Variants in L3MBTL4 observed in about 807,000 individuals in gnomAD.
L3MBTL4 encodes lethal(3)malignant brain tumor-like protein 4.
Under a neutral mutation model 84.5 loss-of-function variants are expected in L3MBTL4, and 70 were observed. That is an observed-to-expected ratio of 0.83 (90% CI 0.68 to 1.01). The LOEUF (loss-of-function observed/expected upper bound fraction) is 1.01, where lower values mean the gene tolerates loss of function less well. Among genes scored for constraint, L3MBTL4 ranks in the 50% least tolerant of loss-of-function variants. The pLI is 0.00. For synonymous variants in L3MBTL4, 274 were observed against 259.8 expected (o/e 1.05, Z -0.52); for missense variants, 715 against 754.8 (o/e 0.95, Z 0.62).
chr18:6,264,045 G>A lies in L3MBTL4; in HGVS notation c.128-7C>T. On this transcript the variant is annotated splice_polypyrimidine_tract_variant and splice_region_variant and intron_variant, in intron 4 of 18. Transcript: ENST00000317931. ...TGTGCAGCCGCTGAAGGGACTGGAAGAGAAAACACAATGACTTTTCTCAAA... is the reference window on the plus strand; with the variant it reads ...TGTGCAGCCGCTGAAGGGACTGGAAAAGAAAACACAATGACTTTTCTCAAA... 2 of 1,598,568 alleles carry A rather than the reference G, an allele frequency of 1.3e-6. No individual in the cohort carries two copies. The highest frequency in any genetic ancestry group is 4.5e-5 in the East Asian group (2 of 44,818).
chr18:6,160,731 C>CAA (rs560903489), intron 13 of L3MBTL4, among the ~76,000 whole-genome samples: 552 of 48,378 alleles, frequency 0.011, 7 homozygotes, highest in South Asian at 0.028. Context: ...AGATCCGTCT[C>CAA]AAAAAAAAAA....
chr18:6,010,396 T>C (rs1007249617), intron 16 of L3MBTL4, among the ~76,000 whole-genome samples: 6 of 152,080 alleles, frequency 3.9e-5, no homozygotes, highest in Non-Finnish European at 8.8e-5. Context: ...ACATGAAAAA[T>C]GGTTTGTGAT....
intron 7 of L3MBTL4, among the ~76,000 whole-genome samples, chr18:6,241,903 C>T (rs1280768482): frequency 6.6e-6 from 1 of 152,164 alleles, no homozygotes; most frequent in African/African-American, 2.4e-5. Flanking sequence ...ATCAGAGGTC[C>T]TGAGGGTGCA....
intron 12 of L3MBTL4, among the ~76,000 whole-genome samples, chr18:6,197,658 C>T (rs1361480402): frequency 6.6e-6 from 1 of 152,166 alleles, no homozygotes; most frequent in African/African-American, 2.4e-5. Flanking sequence ...CAGGTCCCTA[C>T]TTGGTTCTAG....
rs145319970 is a variant in L3MBTL4 at position 6,005,517 on chromosome 18, G to A, written c.1445-35955C>T. ...TCTCCACCCTTAAGTAGGCCCTGCT[G>A]TCTGTGGTTCTCTTCCTTGTGTCCA... is the stretch of plus-strand genomic sequence containing the variant. On this transcript the variant is annotated intron_variant, in intron 16 of 18. Transcript: ENST00000317931. Among the ~76,000 whole-genome samples the A allele has an allele frequency of 2.0e-5, 3 of 152,136 alleles. No homozygotes were observed. In the South Asian group the frequency reaches 6.2e-4, roughly 32 times the overall value.
chr18:6,170,667 C>T (rs888374720), intron 13 of L3MBTL4, among the ~76,000 whole-genome samples: 3 of 152,054 alleles, frequency 2.0e-5, no homozygotes, highest in Admixed American at 6.6e-5. Flanking sequence ...TGCTGGTCCA[C>T]GCCTACCCCA....
intron 1 of L3MBTL4, among the ~76,000 whole-genome samples, chr18:6,380,606 T>C (rs2054559296): frequency 6.6e-6 from 1 of 152,218 alleles, no homozygotes; most frequent in Admixed American, 6.5e-5. Context: ...GGTTGTTCAG[T>C]TTCCATGTAG....
chr18:6,132,544 A>G (rs1291788602), intron 14 of L3MBTL4, among the ~76,000 whole-genome samples: 1 of 152,202 alleles, frequency 6.6e-6, no homozygotes, highest in Non-Finnish European at 1.5e-5. Context: ...CATTCTTCTC[A>G]CTATCACACC....
intron 4 of L3MBTL4, among the ~76,000 whole-genome samples, chr18:6,282,129 A>G (rs2049347784): frequency 6.6e-6 from 1 of 152,168 alleles, no homozygotes; most frequent in Non-Finnish European, 1.5e-5. Context: ...AGCCTCATCA[A>G]CTGTTCTCTC....
chr18:6,095,543 G>C (rs2058610897), intron 14 of L3MBTL4, among the ~76,000 whole-genome samples: 1 of 151,994 alleles, frequency 6.6e-6, no homozygotes, highest in Admixed American at 6.5e-5. Flanking sequence ...GTAGAGACGG[G>C]GTTTCAACGT....
At chr18:6,043,289 A>C (rs956021001) in intron 16 of L3MBTL4, among the ~76,000 whole-genome samples, 4 of 152,098 alleles carry the variant, frequency 2.6e-5, no homozygotes, top group African/African-American at 4.8e-5. Flanking sequence ...CACTGTATTC[A>C]GAACAAAGGC....
intron 1 of L3MBTL4, among the ~76,000 whole-genome samples, chr18:6,393,341 C>T (rs993713914): frequency 3.3e-5 from 5 of 152,158 alleles, no homozygotes; most frequent in African/African-American, 7.2e-5. Context: ...CCTGCTGAGT[C>T]CAGGCTCCTG....
At chr18:6,094,034 C>T (rs2143676472) in intron 14 of L3MBTL4, among the ~76,000 whole-genome samples, 1 of 152,276 alleles carries the variant, frequency 6.6e-6, no homozygotes, top group East Asian at 1.9e-4. Flanking sequence ...AAGTTTTGGG[C>T]TGGGGTGTGA....
intron 5 of L3MBTL4, among the ~76,000 whole-genome samples, chr18:6,256,360 G>C (rs938885732): frequency 6.6e-6 from 1 of 152,082 alleles, no homozygotes; most frequent in African/African-American, 2.4e-5. Flanking sequence ...GGAAGACAAA[G>C]AGAGAATAGG....
chr18:6,074,041 C>T (rs1350368563), intron 16 of L3MBTL4, among the ~76,000 whole-genome samples: 1 of 151,878 alleles, frequency 6.6e-6, no homozygotes, highest in East Asian at 1.9e-4. Context: ...CTGAGAGTTC[C>T]TTTAATGTGA....
Position 6,031,811 on chromosome 18 carries a change from GTTTT to G in L3MBTL4, c.1444+49066_1444+49069del, listed in dbSNP as rs11333960. On this transcript the variant is annotated intron_variant, in intron 16 of 18. Transcript: ENST00000317931. ...TGACTAAAGGCAAATCAGATTCATGGTTTTTTTTTTTTTTTAATTTCACAGATTT... is the reference window on the plus strand; with the variant it reads ...TGACTAAAGGCAAATCAGATTCATGGTTTTTTTTTTTAATTTCACAGATTT... The G allele has an allele frequency of 6.0e-3, 5,484 of 910,152 alleles. 12 individuals are homozygous for G. Among genetic ancestry groups the G allele is most frequent in the South Asian group, 0.014 (289 of 20,134 alleles). The allele number at this position is 910,152 out of a possible 1,614,324, so 56.4% of individuals were successfully genotyped here.
chr18:6,100,654 G>A (rs542918238), intron 14 of L3MBTL4, among the ~76,000 whole-genome samples: 1 of 152,314 alleles, frequency 6.6e-6, no homozygotes, highest in Non-Finnish European at 1.5e-5. Context: ...TAGGGGAAGG[G>A]GGGCACTTCC....
chr18:6,010,721 T>C (rs2054693741), intron 16 of L3MBTL4, among the ~76,000 whole-genome samples: 1 of 152,200 alleles, frequency 6.6e-6, no homozygotes, highest in Middle Eastern at 3.2e-3. Context: ...AAGTCTAATT[T>C]ATTTATTTAT....
chr18:6,299,830 C>T (rs1192771633), intron 4 of L3MBTL4, among the ~76,000 whole-genome samples: 4 of 152,128 alleles, frequency 2.6e-5, no homozygotes, highest in African/African-American at 4.8e-5. Flanking sequence ...CCACCAGACC[C>T]GGCTATTTTT....
Sources: gnomAD v4.1 joint callset for allele counts (sites outside exome capture counted in the v4.1 genomes callset) on GRCh38, gnomAD v4.1.1 for gene constraint, MANE v1.5 for transcripts, NCBI Gene and HGNC (gene_info 2026-07-23, HGNC 2026-07-21) for gene names.